The following COL5A2 variants were observed in gnomAD, a reference collection of about 807,000 sequenced individuals.
COL5A2 encodes collagen type V alpha 2 chain, also known as collagen alpha-2(V) chain.
A neutral mutation model predicts 208.2 loss-of-function variants in COL5A2; 23 were observed. That is an observed-to-expected ratio of 0.11 (90% confidence interval 0.08 to 0.16). The LOEUF is 0.16. Among genes scored for constraint, COL5A2 ranks in the 10% least tolerant of loss-of-function variants. COL5A2 has a pLI of 1.00. For missense variants in COL5A2, 1,590 were observed against 1,956.4 expected (o/e 0.81, Z 3.53); for synonymous variants, 625 against 628.5 (o/e 0.99, Z 0.08).
At chr2:189,421,884 A>G in the COL5A2 span, among the ~76,000 whole-genome samples, 116 of 152,308 alleles carry the variant, frequency 7.6e-4, no homozygotes, top group Non-Finnish European at 9.3e-4. Context: ...CACCAGCTTC[A>G]GTAACCACAA....
chr2:189,414,694 C>T, the COL5A2 span, among the ~76,000 whole-genome samples: 14 of 141,220 alleles, frequency 9.9e-5, no homozygotes, highest in African/African-American at 3.7e-4. Flanking sequence ...GGTTGCATTG[C>T]AGTGAGCCGA....
At position 189,039,459 on chromosome 2, in the gene COL5A2, A is replaced by T; in HGVS notation, c.3738T>A (p.Asp1246Glu). ...IMGHYDESMP[D>E]PLPEFTEDQA... ...GATCTTCAGTAAACTCAGGAAGTGG[A>T]TCTGGCATGCTTTCATCATAGTGCC... Residue 1246 changes from aspartate to glutamate, a missense_variant, in exon 51 of 54, where the codon GAT (aspartate) becomes GAA (glutamate). Asp to Glu is a conservative substitution (Grantham distance 45, BLOSUM62 2). Coordinates refer to ENST00000374866, the MANE Select transcript of COL5A2 (RefSeq NM_000393.5). The T allele has an allele frequency of 6.2e-7, 1 of 1,614,074 alleles. No individual in the cohort carries two copies. The highest frequency in any genetic ancestry group is 8.5e-7 in the Non-Finnish European group (1 of 1,179,996).
chr2:189,077,610 G>A (rs1262592117), intron 16 of COL5A2, among the ~76,000 whole-genome samples: 2 of 152,156 alleles, frequency 1.3e-5, no homozygotes, highest in African/African-American at 4.8e-5. Context: ...GCCTAGATAA[G>A]CCAATAGCTG....
At chr2:189,035,252 T>G (rs1374165382) in intron 52 of COL5A2, 97 bp from the exon 53 acceptor site, 1 of 1,489,400 alleles carries the variant, frequency 6.7e-7, no homozygotes, top group African/African-American at 1.4e-5. Context: ...TTCAGATAAA[T>G]CAATTTTGAA....
chr2:189,112,333 G>T (rs1412261653), intron 1 of COL5A2, among the ~76,000 whole-genome samples: 1 of 152,116 alleles, frequency 6.6e-6, no homozygotes, highest in African/African-American at 2.4e-5. Context: ...GTTTATGAAA[G>T]ATATTATCAT....
chr2:189,217,503 T>TTGTGTG (rs111881864), intron 1 of COL5A2, among the ~76,000 whole-genome samples: 1 of 150,988 alleles, frequency 6.6e-6, no homozygotes, highest in Non-Finnish European at 1.5e-5. Context: ...TTAGTGAGAT[T>TTGTGTG]TGTGTGTGTG....
At chr2:189,062,001 T>G (rs1686041878) in intron 29 of COL5A2, among the ~76,000 whole-genome samples, 1 of 152,116 alleles carries the variant, frequency 6.6e-6, no homozygotes, top group Non-Finnish European at 1.5e-5. Context: ...TTATCAAGAC[T>G]TCAAAAACAG....
chr2:189,132,435 T>C (rs975153416), intron 1 of COL5A2, among the ~76,000 whole-genome samples: 4 of 152,236 alleles, frequency 2.6e-5, no homozygotes, highest in South Asian at 4.1e-4. Context: ...CTGCAGATAT[T>C]AAGTAAAAAC....
the COL5A2 span, among the ~76,000 whole-genome samples, chr2:189,281,394 A>G: frequency 6.6e-6 from 1 of 152,322 alleles, no homozygotes; most frequent in Admixed American, 6.5e-5. Flanking sequence ...GGAGAGAACC[A>G]TGGCTGTGTG....
At chr2:189,206,282 A>C (rs1689142459) in intron 1 of COL5A2, among the ~76,000 whole-genome samples, 1 of 152,182 alleles carries the variant, frequency 6.6e-6, no homozygotes, top group Non-Finnish European at 1.5e-5. Context: ...AGAAGCTTAA[A>C]GCGGGTAAAT....
chr2:189,353,662 T>C, the COL5A2 span, among the ~76,000 whole-genome samples: 1 of 152,344 alleles, frequency 6.6e-6, no homozygotes, highest in Admixed American at 6.5e-5. Context: ...CCGCTGAAGG[T>C]GCTTATCAGC....
chr2:189,363,471 C>T, the COL5A2 span, among the ~76,000 whole-genome samples: 5 of 151,838 alleles, frequency 3.3e-5, no homozygotes, highest in South Asian at 2.1e-4. Flanking sequence ...ATTGCTTTTT[C>T]GCATGCTAAA....
chr2:189,349,552 T>G, the COL5A2 span, among the ~76,000 whole-genome samples: 1 of 152,174 alleles, frequency 6.6e-6, no homozygotes, highest in African/African-American at 2.4e-5. Flanking sequence ...TTGATGGTGA[T>G]GGTTTATAAG....
At chr2:189,356,885 G>C in the COL5A2 span, among the ~76,000 whole-genome samples, 10 of 152,252 alleles carry the variant, frequency 6.6e-5, no homozygotes, top group East Asian at 1.9e-3. Flanking sequence ...TCTACCTTTG[G>C]TCTTTGATGT....
At chr2:189,036,828 C>T in intron 51 of COL5A2, 25 bp from the exon 52 acceptor site, 1 of 1,534,388 alleles carries the variant, frequency 6.5e-7, no homozygotes, top group African/African-American at 1.4e-5. Flanking sequence ...AGAAATTTTA[C>T]TAAATAAAGA....
At chr2:189,368,066 AC>A in the COL5A2 span, among the ~76,000 whole-genome samples, 2 of 152,350 alleles carry the variant, frequency 1.3e-5, no homozygotes, top group South Asian at 4.1e-4. Context: ...TATTATATAA[AC>A]ATATAACAAA....
chr2:189,406,383 C>T, the COL5A2 span, among the ~76,000 whole-genome samples: 6 of 152,108 alleles, frequency 3.9e-5, 1 homozygote, highest in Admixed American at 3.9e-4. Context: ...GGATAAGACA[C>T]TACTAAAAGT....
rs769529322 is a variant in COL5A2, at chr2:189,060,723, C to T, written c.2085+7G>A. On this transcript the variant is annotated splice_region_variant and intron_variant, in intron 31 of 53. Transcript: ENST00000374866. ...AGTGTTGCCATTATTATTATTTAAA[C>T]ACTTACTTGATCACCTGGTTTTCCA... 4 of 1,610,632 alleles carry T rather than the reference C, an allele frequency of 2.5e-6. No individual in the cohort carries two copies. The highest frequency in any genetic ancestry group is 1.6e-4 in the Middle Eastern group (1 of 6,074).
chr2:189,334,091 A>G, the COL5A2 span, among the ~76,000 whole-genome samples: 1 of 152,132 alleles, frequency 6.6e-6, no homozygotes, highest in Admixed American at 6.5e-5. Context: ...CAAAATTCTT[A>G]GCAAATTAGG....
Sources: gnomAD v4.1 joint callset for allele counts (sites outside exome capture counted in the v4.1 genomes callset) on GRCh38, gnomAD v4.1.1 for gene constraint, MANE v1.5 for transcripts, NCBI Gene and HGNC (gene_info 2026-07-23, HGNC 2026-07-21) for gene names.